The following TMTC2 variants were observed in gnomAD, a reference collection of about 807,000 sequenced individuals.
The protein encoded by TMTC2 is transmembrane O-mannosyltransferase targeting cadherins 2.
A neutral mutation model predicts 82.4 loss-of-function variants in TMTC2; 43 were observed. That is an observed-to-expected ratio of 0.52 (90% CI 0.41 to 0.67). TMTC2 has a LOEUF of 0.67. TMTC2 is among the 30% of genes least tolerant of loss of function. The pLI is 0.00. For synonymous variants in TMTC2, 408 were observed against 381.9 expected, an observed-to-expected ratio of 1.07 and a Z score of -0.80; for missense variants, 919 against 1,012.4, an observed-to-expected ratio of 0.91 and a Z score of 1.25.
intron 1 of TMTC2, among the ~76,000 whole-genome samples, chr12:82,772,339 A>G (rs896567502): frequency 2.0e-5 from 3 of 152,252 alleles, no homozygotes; most frequent in Admixed American, 6.5e-5. Flanking sequence ...GGACTGCTTT[A>G]TAGAGGAGAC....
intron 11 of TMTC2, among the ~76,000 whole-genome samples, chr12:83,068,365 C>A (rs560164945): frequency 6.6e-6 from 1 of 151,926 alleles, no homozygotes; most frequent in Non-Finnish European, 1.5e-5. Flanking sequence ...AAACATAAAA[C>A]CAAGTTTAAT....
intron 1 of TMTC2, among the ~76,000 whole-genome samples, chr12:82,748,858 CA>C (rs1282793808): frequency 6.6e-6 from 1 of 152,148 alleles, no homozygotes; most frequent in East Asian, 1.9e-4. Context: ...GCCTGGGCAA[CA>C]AGAGCAAAAC....
intron 1 of TMTC2, among the ~76,000 whole-genome samples, chr12:82,834,199 T>TA (rs1484732901): frequency 1.3e-5 from 2 of 152,178 alleles, no homozygotes; most frequent in Non-Finnish European, 2.9e-5. Flanking sequence ...TAATTAGTAA[T>TA]ACAATTGTTA....
intron 11 of TMTC2, among the ~76,000 whole-genome samples, chr12:83,095,638 A>G (rs987167672): frequency 1.3e-5 from 2 of 152,226 alleles, no homozygotes; most frequent in African/African-American, 4.8e-5. Context: ...GAGTGAAAGA[A>G]TGAATTAATA....
rs549049847 is a variant in TMTC2 at position 82,819,699 on chromosome 12, C to T, written c.84-37311C>T. Among the ~76,000 whole-genome samples the T allele has an allele frequency of 3.3e-5, 5 of 151,902 alleles. No homozygotes were observed. In the East Asian group the frequency reaches 5.8e-4, roughly 18 times the overall value. ...TGTATTTTTAGTAGAGACGGGGTTT[C>T]ACCATGTTGGCCAGGCTGGTCTCAA... is the stretch of plus-strand genomic sequence containing the variant. On this transcript the variant is annotated intron_variant, in intron 1 of 11. Coordinates refer to ENST00000321196, the MANE Select transcript of TMTC2 (RefSeq NM_152588.3).
intron 11 of TMTC2, among the ~76,000 whole-genome samples, chr12:83,070,425 G>A (rs1464000036): frequency 6.6e-6 from 1 of 151,596 alleles, no homozygotes; most frequent in African/African-American, 2.4e-5. Flanking sequence ...GTATTCCTAA[G>A]TATTTTATTA....
intron 1 of TMTC2, among the ~76,000 whole-genome samples, chr12:82,787,812 G>T (rs1469198111): frequency 6.6e-6 from 1 of 152,060 alleles, no homozygotes; most frequent in East Asian, 1.9e-4. Context: ...TTGGGAGGCT[G>T]AGGCAGGAGA....
At chr12:83,080,993 A>G (rs1883444893) in intron 11 of TMTC2, among the ~76,000 whole-genome samples, 1 of 152,244 alleles carries the variant, frequency 6.6e-6, no homozygotes, top group Non-Finnish European at 1.5e-5. Context: ...CCCTGTGGAT[A>G]TAATGAGAAA....
chr12:83,100,518 C>T (rs1884183550), intron 11 of TMTC2, among the ~76,000 whole-genome samples: 1 of 152,076 alleles, frequency 6.6e-6, no homozygotes, highest in Non-Finnish European at 1.5e-5. Flanking sequence ...GTATCCCAAT[C>T]CAGAATTATT....
intron 1 of TMTC2, among the ~76,000 whole-genome samples, chr12:82,743,625 A>G (rs971920376): frequency 1.2e-4 from 18 of 152,168 alleles, no homozygotes; most frequent in African/African-American, 4.1e-4. Flanking sequence ...TTCCATGTCC[A>G]ATTTTGATCT....
intron 3 of TMTC2, among the ~76,000 whole-genome samples, chr12:82,925,167 T>C (rs771901807): frequency 1.4e-4 from 22 of 152,220 alleles, no homozygotes; most frequent in Non-Finnish European, 2.5e-4. Flanking sequence ...TAAATTATCC[T>C]CATCCATACC....
chr12:83,002,230 C>A (rs999135493), intron 8 of TMTC2, among the ~76,000 whole-genome samples: 1 of 152,088 alleles, frequency 6.6e-6, no homozygotes, highest in Non-Finnish European at 1.5e-5. Flanking sequence ...AGGAATTTAT[C>A]CATTTCCTCT....
chr12:82,736,758 T>C (rs763625649), intron 1 of TMTC2, among the ~76,000 whole-genome samples: 9 of 152,198 alleles, frequency 5.9e-5, no homozygotes, highest in Non-Finnish European at 8.8e-5. Context: ...CTATTTTGAA[T>C]GTATTTCAAA....
intron 4 of TMTC2, among the ~76,000 whole-genome samples, chr12:82,959,689 A>T (rs907281032): frequency 1.3e-5 from 2 of 152,126 alleles, no homozygotes; most frequent in African/African-American, 4.8e-5. Flanking sequence ...TGGATTAAAG[A>T]TTTAAGTGTA....
chr12:83,121,930 G>A (rs1884960514), intron 11 of TMTC2, among the ~76,000 whole-genome samples: 1 of 152,094 alleles, frequency 6.6e-6, no homozygotes. Context: ...TCAGGGAAGT[G>A]GGGGAAAGCT....
intron 8 of TMTC2, among the ~76,000 whole-genome samples, chr12:82,987,514 A>G (rs534777492): frequency 6.6e-6 from 1 of 152,118 alleles, no homozygotes; most frequent in Non-Finnish European, 1.5e-5. Context: ...GATCTACTTA[A>G]TAAAATATAA....
chr12:82,736,846 A>T (rs530616798), intron 1 of TMTC2, among the ~76,000 whole-genome samples: 1 of 152,320 alleles, frequency 6.6e-6, no homozygotes, highest in African/African-American at 2.4e-5. Context: ...GTGAAATGAA[A>T]TCTCTAACAT....
chr12:82,925,126 C>A (rs528075352), intron 3 of TMTC2, among the ~76,000 whole-genome samples: 1 of 152,292 alleles, frequency 6.6e-6, no homozygotes, highest in Non-Finnish European at 1.5e-5. Flanking sequence ...AGAGATCATA[C>A]CTATTTTCCT....
chr12:82,825,045 T>G (rs1337316158), intron 1 of TMTC2, among the ~76,000 whole-genome samples: 1 of 150,430 alleles, frequency 6.6e-6, no homozygotes, highest in African/African-American at 2.5e-5. Flanking sequence ...TCCGAGATCG[T>G]GCCACGGCAT....
Sources: allele counts gnomAD v4.1 joint callset (sites outside exome capture counted in the v4.1 genomes callset), GRCh38; gene constraint gnomAD v4.1.1; transcripts MANE v1.5; gene names NCBI Gene and HGNC (gene_info 2026-07-23, HGNC 2026-07-21).